GNPAT: variants seen among roughly 807,000 people sequenced by gnomAD.
GNPAT encodes the protein dihydroxyacetone phosphate acyltransferase.
A neutral mutation model predicts 78.4 loss-of-function variants in GNPAT; 30 were observed. The ratio of observed to expected loss-of-function variants is 0.38; its 90% CI spans 0.29 to 0.52. The LOEUF is 0.52. GNPAT is among the 20% of genes least tolerant of loss of function. GNPAT has a pLI of 0.84. For missense variants in GNPAT, 714 were observed against 812.2 expected, an observed-to-expected ratio of 0.88 and a Z score of 1.47; for synonymous variants, 271 against 281.1, an observed-to-expected ratio of 0.96 and a Z score of 0.36.
intron 2 of GNPAT, among the ~76,000 whole-genome samples, chr1:231,256,630 G>A (rs1352294480): frequency 1.3e-5 from 2 of 151,950 alleles, no homozygotes; most frequent in Non-Finnish European, 2.9e-5. Context: ...GGGACTACAG[G>A]CACCCACCAC....
At chr1:231,261,387 A>G (rs1300382902) in intron 3 of GNPAT, among the ~76,000 whole-genome samples, 1 of 150,742 alleles carries the variant, frequency 6.6e-6, no homozygotes, top group Non-Finnish European at 1.5e-5. Context: ...AATGGTTTGA[A>G]TTTGAGTGAT....
chr1:231,271,212 C>A (rs1189652664), intron 10 of GNPAT, among the ~76,000 whole-genome samples: 1 of 152,110 alleles, frequency 6.6e-6, no homozygotes, highest in East Asian at 1.9e-4. Flanking sequence ...TAAACCTTTC[C>A]TTCTATAAAT....
rs1436578674 is a variant in GNPAT, at chr1:231,274,056, C to CT, written c.1738dup (p.Tyr580LeufsTer11). The CT allele has an allele frequency of 6.2e-7, 1 of 1,613,076 alleles. No homozygotes were observed. ...GACTCTTTAAACCTTTTGTGGAAAG[C>CT]TATCAGGTATGTAAATTTGGCAAGT... On this transcript the variant is annotated frameshift_variant, in exon 12 of 16. Transcript: ENST00000366647. LOFTEE classifies it high-confidence loss of function.
At chr1:231,271,955 C>T (rs1346789745) in intron 10 of GNPAT, among the ~76,000 whole-genome samples, 1 of 152,156 alleles carries the variant, frequency 6.6e-6, no homozygotes, top group Non-Finnish European at 1.5e-5. Flanking sequence ...CAAAAATTAG[C>T]TGGGCATGGC....
chr1:231,266,407 G>T lies in GNPAT; in HGVS notation c.1055G>T (p.Arg352Ile). The T allele has an allele frequency of 6.2e-7, 1 of 1,613,514 alleles. No individual in the cohort carries two copies. Among genetic ancestry groups the T allele is most frequent in the Non-Finnish European group, 8.5e-7 (1 of 1,179,454 alleles). The change falls in exon 8 of 16, where the codon AGA becomes ATA. Residue 352 changes from arginine to isoleucine, a missense_variant and splice_region_variant. Physicochemically the swap from Arg to Ile is moderately conservative, Grantham distance 97. Transcript: ENST00000366647. The part of the protein sequence containing the change: ...MSRSSYNLVP[R>I]YIPQKQSEDM... ...CGGAGCTCATATAACTTGGTTCCAA[G>T]GTGTGACCTGTGTTTTAATAACTGT...
At chr1:231,274,174 GGAA>G in intron 12 of GNPAT, 112 bp downstream of exon 12, 2 of 925,404 alleles carry the variant, frequency 2.2e-6, no homozygotes, top group Non-Finnish European at 3.5e-6. Flanking sequence ...CCAGGCAAAT[GGAA>G]GAAGGAGAGA....
intron 11 of GNPAT, among the ~76,000 whole-genome samples, chr1:231,273,653 A>G (rs1217220660): frequency 6.6e-6 from 1 of 152,160 alleles, no homozygotes; most frequent in Non-Finnish European, 1.5e-5. Flanking sequence ...AAGAAAATCC[A>G]TCACCCAGGT....
chr1:231,264,019 T>TGCA (rs1685300434), intron 4 of GNPAT, among the ~76,000 whole-genome samples: 1 of 152,220 alleles, frequency 6.6e-6, no homozygotes, highest in African/African-American at 2.4e-5. Flanking sequence ...TTGCAAATAT[T>TGCA]ATCTTCCATT....
chr1:231,249,010 G>T (rs1684822298), intron 1 of GNPAT, among the ~76,000 whole-genome samples: 1 of 152,172 alleles, frequency 6.6e-6, no homozygotes, highest in African/African-American at 2.4e-5. Flanking sequence ...GTTAAACAGT[G>T]CATGACTGTA....
chr1:231,241,753 G>A (rs941263741), intron 1 of GNPAT, among the ~76,000 whole-genome samples: 2 of 152,344 alleles, frequency 1.3e-5, no homozygotes, highest in African/African-American at 4.8e-5. Flanking sequence ...ACACGAGAAT[G>A]AGGAATGAGA....
chr1:231,242,889 A>G (rs569191007), intron 1 of GNPAT, among the ~76,000 whole-genome samples: 1 of 152,200 alleles, frequency 6.6e-6, no homozygotes, highest in Non-Finnish European at 1.5e-5. Context: ...CCCACTCTTT[A>G]CTGGTAGTTC....
intron 9 of GNPAT, among the ~76,000 whole-genome samples, chr1:231,269,040 C>T (rs1685475401): frequency 6.6e-6 from 1 of 151,622 alleles, no homozygotes; most frequent in African/African-American, 2.4e-5. Context: ...CTGGGTACTA[C>T]CAGGGATATG....
intron 3 of GNPAT, among the ~76,000 whole-genome samples, chr1:231,262,136 G>C (rs555033875): frequency 4.1e-4 from 62 of 152,358 alleles, no homozygotes; most frequent in Non-Finnish European, 7.8e-4. Context: ...CCAGCCACAT[G>C]ACACCCATTC....
intron 12 of GNPAT, 140 bp from the exon 13 acceptor site, chr1:231,275,081 A>G: frequency 3.1e-6 from 2 of 652,552 alleles, no homozygotes; most frequent in African/African-American, 1.8e-5. Context: ...TTCTGGGCTC[A>G]TTCCTTGGAG....
intron 2 of GNPAT, among the ~76,000 whole-genome samples, chr1:231,253,051 C>T (rs1684944571): frequency 6.6e-6 from 1 of 152,194 alleles, no homozygotes; most frequent in Non-Finnish European, 1.5e-5. Context: ...TCACTGCAAG[C>T]TCCGCCTCCC....
In GNPAT at chr1:231,275,286, A is replaced by G. The variant is rs200595297; in HGVS notation, c.1809A>G (p.Ala603=). 102 of 1,613,090 alleles carry G rather than the reference A, an allele frequency of 6.3e-5. No homozygotes were observed. Among genetic ancestry groups the G allele is most frequent in the Non-Finnish European group, 8.0e-5 (94 of 1,179,096 alleles). ...TCAGTGAGGAACAGTACTTGGCTGC[A>G]GTCAGAAAATTCACAAGTCAGCTTC... ...DHFSEEQYLA[A]VRKFTSQLLD... is the part of the protein sequence containing the mutation. The change falls in exon 13 of 16, where the codon GCA becomes GCG. Residue 603 remains alanine, a synonymous_variant. Coordinates refer to ENST00000366647, the MANE Select transcript of GNPAT (RefSeq NM_014236.4).
intron 4 of GNPAT, among the ~76,000 whole-genome samples, chr1:231,263,870 T>C (rs1262733607): frequency 1.3e-5 from 2 of 152,248 alleles, no homozygotes; most frequent in African/African-American, 4.8e-5. Context: ...TTTTGTGTGC[T>C]TATTGGCCAT....
chr1:231,275,253 G>A lies in GNPAT; in HGVS notation c.1776G>A (p.Glu592=). The part of the protein sequence containing the change: ...IICKYLLSEE[E]DHFSEEQYLA... ...GCAAGTACCTTTTGAGTGAAGAAGA[G>A]GACCACTTCAGTGAGGAACAGTACT... is the stretch of plus-strand genomic sequence containing the variant. The change falls in exon 13 of 16, where the codon GAG becomes GAA. Residue 592 remains glutamate, a synonymous_variant. Coordinates refer to ENST00000366647, the MANE Select transcript of GNPAT (RefSeq NM_014236.4). 6.2e-7 allele frequency: 1 copy of A among 1,611,316 alleles called. No individual in the cohort carries two copies.
At chr1:231,251,495 A>G (rs1232356492) in intron 2 of GNPAT, among the ~76,000 whole-genome samples, 1 of 152,196 alleles carries the variant, frequency 6.6e-6, no homozygotes, top group African/African-American at 2.4e-5. Context: ...CTAAAAGATA[A>G]TTAGAGATGT....
Sources: allele counts gnomAD v4.1 joint callset (sites outside exome capture counted in the v4.1 genomes callset), GRCh38; gene constraint gnomAD v4.1.1; transcripts MANE v1.5; gene names NCBI Gene and HGNC (gene_info 2026-07-23, HGNC 2026-07-21).